Variants in PCID2 observed in about 807,000 individuals in gnomAD.
PCID2 encodes PCI domain containing 2, also known as PCI domain-containing protein 2.
PCID2 carries 41 observed loss-of-function variants against 61.3 expected under a neutral mutation model. That is an observed-to-expected ratio of 0.67 (90% confidence interval 0.52 to 0.87). The LOEUF (loss-of-function observed/expected upper bound fraction) is 0.87. Among genes scored for constraint, PCID2 ranks in the 40% least tolerant of loss-of-function variants. The pLI is 0.00. For missense variants in PCID2, 392 were observed against 493.4 expected, an observed-to-expected ratio of 0.79 and a Z score of 1.95; for synonymous variants, 187 against 177.8, an observed-to-expected ratio of 1.05 and a Z score of -0.41.
At chr13:113,206,356 G>A (rs1287159049) in intron 1 of PCID2, among the ~76,000 whole-genome samples, 3 of 152,198 alleles carry the variant, frequency 2.0e-5, no homozygotes, top group Admixed American at 2.0e-4. Context: ...CACTTGGAAA[G>A]GGCAAAGTAA....
the PCID2 span, chr13:113,171,565 A>G: frequency 6.2e-7 from 1 of 1,613,864 alleles, no homozygotes. The surrounding 1 kb of genome is among the most constrained non-coding windows in gnomAD (Gnocchi z 5.1). Flanking sequence ...ATCAGACTGT[A>G]AAGAACTGAC....
At chr13:113,203,022 CT>C (rs1355904759) in intron 1 of PCID2, among the ~76,000 whole-genome samples, 1 of 152,184 alleles carries the variant, frequency 6.6e-6, no homozygotes. Context: ...TTCAACATCA[CT>C]GAGTAGAATG....
chr13:113,200,366 T>C (rs1018498597), intron 2 of PCID2, 61 bp downstream of exon 2: 2 of 953,604 alleles, frequency 2.1e-6, no homozygotes, highest in Admixed American at 1.9e-5. Context: ...ACGCTTCTCT[T>C]AGGAAAGTGG....
At chr13:113,200,591 AATGCCACACAGGGGAAAATTC>A (rs2039347185) in intron 1 of PCID2, 75 bp from the exon 2 acceptor site, 2 of 933,132 alleles carry the variant, frequency 2.1e-6, no homozygotes, top group Non-Finnish European at 3.5e-6. Flanking sequence ...CAATACACTG[AATGCCACACAGGGGAAAATTC>A]ATTTTCCCCT....
chr13:113,200,102 A>G (rs1410498601), intron 2 of PCID2, among the ~76,000 whole-genome samples: 1 of 152,204 alleles, frequency 6.6e-6, no homozygotes, highest in Non-Finnish European at 1.5e-5. Context: ...CACCTGTGGT[A>G]CATGACGTCT....
At chr13:113,207,882 C>A in intron 1 of PCID2, 1 of 775,310 alleles carries the variant, frequency 1.3e-6, no homozygotes, top group Admixed American at 1.9e-5. Flanking sequence ...ATGTTTCCTT[C>A]AAATATTTTA....
At position 113,180,139 on chromosome 13, in the gene PCID2, G is replaced by A. The variant is rs773794456; in HGVS notation, c.860+19C>T. On this transcript the variant is annotated intron_variant, in intron 11 of 13. Transcript: ENST00000337344. The stretch of plus-strand genomic sequence containing the variant: ...CTTGCATTTTTAAAACCCCAAACAG[G>A]AAGGATGGCATACTCTACCTCACAG... 6.2e-7 allele frequency: 1 copy of A among 1,613,488 alleles called. No individual in the cohort carries two copies. The highest frequency in any genetic ancestry group is 8.5e-7 in the Non-Finnish European group (1 of 1,179,512).
chr13:113,200,692 A>ATT, intron 1 of PCID2, 176 bp from the exon 2 acceptor site: 6 of 362,824 alleles, frequency 1.7e-5, no homozygotes, highest in South Asian at 8.3e-5. Context: ...GTAAACAATA[A>ATT]TTTCTTTTTT....
chr13:113,197,842 T>C (rs994679371), intron 3 of PCID2, among the ~76,000 whole-genome samples: 2 of 152,208 alleles, frequency 1.3e-5, no homozygotes, highest in African/African-American at 4.8e-5. Flanking sequence ...ACATAAAAAG[T>C]AGCATTGTTT....
intron 2 of PCID2, among the ~76,000 whole-genome samples, chr13:113,199,608 G>A (rs2039267789): frequency 6.6e-6 from 1 of 152,192 alleles, no homozygotes; most frequent in African/African-American, 2.4e-5. Context: ...ACAGGACAGT[G>A]TGTGTCCTCT....
the PCID2 span, chr13:113,171,607 G>A: frequency 2.2e-5 from 35 of 1,614,132 alleles, 1 homozygote; most frequent in Middle Eastern, 1.6e-4. This position sits in a 1 kb window ranked among gnomAD's most constrained non-coding sequence, Gnocchi z 5.1. Flanking sequence ...TTAACAGAAC[G>A]AGCCAAGACC....
Position 113,180,225 on chromosome 13 carries a change from T to A in PCID2, c.793A>T (p.Met265Leu), listed in dbSNP as rs778881330. The change falls in exon 11 of 14, where the codon ATG becomes TTG. Residue 265 changes from methionine (M) to leucine (L), a missense_variant. Around this residue, in one of 3 missense-constraint regions of PCID2, gnomAD observed 226 missense variants for 296.5 expected, o/e 0.76. Transcript: ENST00000337344. ...TTTTTCAGGAGCTCCACAGTGGGCA[T>A]GTGACCCTAAGAGTCAATTTTCCAG... is the stretch of plus-strand genomic sequence containing the variant. ...LLPVKMLLGH[M>L]PTVELLKKYH... 3 of 1,612,148 alleles carry A rather than the reference T, an allele frequency of 1.9e-6. No individual in the cohort carries two copies. Among genetic ancestry groups the A allele is most frequent in the African/African-American group, 2.7e-5 (2 of 74,914 alleles).
intron 6 of PCID2, among the ~76,000 whole-genome samples, chr13:113,194,644 G>A (rs185394224): frequency 1.6e-4 from 25 of 152,186 alleles, no homozygotes; most frequent in African/African-American, 5.5e-4. Flanking sequence ...TGGGGACGTC[G>A]CCTCCATAAA....
At chr13:113,174,259 T>C (rs1482900834), downstream of PCID2, among the ~76,000 whole-genome samples, 1 of 151,046 alleles carries the variant, frequency 6.6e-6, no homozygotes, top group Non-Finnish European at 1.5e-5. Context: ...AAAACCTACT[T>C]CAAACACAGC....
intron 9 of PCID2, 71 bp downstream of exon 9, chr13:113,184,275 T>C (rs1595170532): frequency 1.5e-6 from 2 of 1,300,990 alleles, no homozygotes; most frequent in South Asian, 2.4e-5. Flanking sequence ...TCTCTGAAAC[T>C]ATATTATTCA....
chr13:113,208,222 G>A (rs2040077892), intron 1 of PCID2: 2 of 1,515,782 alleles, frequency 1.3e-6, no homozygotes, highest in South Asian at 1.2e-5. Flanking sequence ...GGGAAACAGC[G>A]TCCATCCGAC....
chr13:113,208,463 TG>T (rs1476831407), intron 1 of PCID2, 135 bp downstream of exon 1: 17 of 1,527,816 alleles, frequency 1.1e-5, no homozygotes, highest in Admixed American at 5.9e-5. Context: ...CTCGCGCGGC[TG>T]CCCGCCGGGG....
chr13:113,165,791 A>G, the PCID2 span, among the ~76,000 whole-genome samples: 2 of 152,120 alleles, frequency 1.3e-5, no homozygotes, highest in African/African-American at 4.8e-5. Context: ...TTGGCCTCCC[A>G]AAGTGCTGGG....
chr13:113,205,740 A>G (rs1192145381), intron 1 of PCID2, among the ~76,000 whole-genome samples: 1 of 152,258 alleles, frequency 6.6e-6, no homozygotes, highest in Non-Finnish European at 1.5e-5. Context: ...CAAAAGCCAC[A>G]TACTGAAATC....
Sources: allele counts gnomAD v4.1 joint callset (sites outside exome capture counted in the v4.1 genomes callset), GRCh38; gene constraint gnomAD v4.1.1; regional missense constraint gnomAD v4.1.1; non-coding constraint Gnocchi (gnomAD v3.1); transcripts MANE v1.5; gene names NCBI Gene and HGNC (gene_info 2026-07-23, HGNC 2026-07-21).